The following PDE4D variants were observed in gnomAD, a reference collection of about 807,000 sequenced individuals.
PDE4D encodes phosphodiesterase 4D, also known as 3',5'-cyclic-AMP phosphodiesterase 4D.
PDE4D carries 24 observed loss-of-function variants against 87.4 expected under a neutral mutation model. The ratio of observed to expected loss-of-function variants is 0.27; its 90% confidence interval spans 0.20 to 0.39. The LOEUF is 0.39. PDE4D is among the 10% of genes least tolerant of loss of function. PDE4D has a pLI of 1.00. For missense variants in PDE4D, 714 were observed against 1,041.0 expected (o/e 0.69, Z 4.32); for synonymous variants, 384 against 383.2 (o/e 1.00, Z -0.02).
chr5:59,829,548 T>C (rs1052274754), intron 1 of PDE4D, among the ~76,000 whole-genome samples: 2 of 151,948 alleles, frequency 1.3e-5, no homozygotes, highest in Non-Finnish European at 2.9e-5. Flanking sequence ...GAAAGAAAAG[T>C]TACTCTCATT....
At chr5:59,337,765 T>C (rs35259) in intron 1 of PDE4D, among the ~76,000 whole-genome samples, 88,451 of 151,968 alleles carry the variant, frequency 0.58, 26,420 homozygotes, top group African/African-American at 0.71. Flanking sequence ...CTAGAACATC[T>C]GGTATGATTT....
intron 1 of PDE4D, among the ~76,000 whole-genome samples, chr5:59,524,663 AGAC>A (rs1293113422): frequency 6.6e-6 from 1 of 152,214 alleles, no homozygotes; most frequent in African/African-American, 2.4e-5. Context: ...AGAGCCTGTT[AGAC>A]GACTTCACAG....
intron 1 of PDE4D, among the ~76,000 whole-genome samples, chr5:59,771,391 G>A (rs1433644816): frequency 6.7e-6 from 1 of 149,150 alleles, no homozygotes; most frequent in Non-Finnish European, 1.5e-5. Context: ...ATGGGCGACA[G>A]AGCGAGACTC....
intron 1 of PDE4D, among the ~76,000 whole-genome samples, chr5:59,812,348 A>T (rs1029891001): frequency 6.6e-6 from 1 of 152,216 alleles, no homozygotes; most frequent in Non-Finnish European, 1.5e-5. Flanking sequence ...TCACAGGCTC[A>T]ATTTCAAGAC....
chr5:59,647,468 T>TC lies in PDE4D; in HGVS notation c.455+245699_455+245700insG, dbSNP rs1169649276. On this transcript the variant is annotated intron_variant, in intron 1 of 14. Coordinates refer to ENST00000340635, the MANE Select transcript of PDE4D (RefSeq NM_001104631.2). ...TTAGGGATTTTTCAAAGTTTTTTTTTTTTTAATTAAAATAGTGATTTTAAA... is the reference window on the plus strand; with the variant it reads ...TTAGGGATTTTTCAAAGTTTTTTTTTCTTTTAATTAAAATAGTGATTTTAAA... Among the ~76,000 whole-genome samples, 294 of 70,880 alleles carry TC rather than the reference T, an allele frequency of 4.1e-3. 2 individuals are homozygous for TC. Among genetic ancestry groups the TC allele is most frequent in the African/African-American group, 9.1e-3 (237 of 26,014 alleles). The allele number at this position is 70,880 out of a possible 152,430, so 46.5% of individuals were successfully genotyped here.
At chr5:59,847,529 T>C (rs1744043404) in intron 1 of PDE4D, among the ~76,000 whole-genome samples, 1 of 152,066 alleles carries the variant, frequency 6.6e-6, no homozygotes, top group Admixed American at 6.6e-5. Context: ...ACCTTTCTTT[T>C]TTACCAGTCA....
At chr5:60,305,618 A>G (rs1447794486) in intron 1 of PDE4D, among the ~76,000 whole-genome samples, 1 of 151,926 alleles carries the variant, frequency 6.6e-6, no homozygotes, top group Non-Finnish European at 1.5e-5. Context: ...TAAAAGACCT[A>G]AACCTTAACA....
intron 1 of PDE4D, among the ~76,000 whole-genome samples, chr5:59,296,987 AT>A (rs1769231558): frequency 6.6e-6 from 1 of 152,166 alleles, no homozygotes. Flanking sequence ...ACTTCCTTTT[AT>A]CCCTTAAAAA....
intron 1 of PDE4D, among the ~76,000 whole-genome samples, chr5:59,630,800 C>T (rs1831466862): frequency 6.6e-6 from 1 of 152,102 alleles, no homozygotes; most frequent in Admixed American, 6.6e-5. Flanking sequence ...TTGTAGGAGG[C>T]CTGCACGTGT....
intron 1 of PDE4D, among the ~76,000 whole-genome samples, chr5:60,282,235 A>ATATATATATATATATATATG (rs1490291783): frequency 3.1e-4 from 41 of 132,074 alleles, no homozygotes; most frequent in Non-Finnish European, 5.0e-4. Flanking sequence ...ATATATATAT[A>ATATATATATATATATATATG]TATTTCTCAA....
chr5:59,784,242 T>TC (rs1158717095), intron 1 of PDE4D, among the ~76,000 whole-genome samples: 2 of 149,956 alleles, frequency 1.3e-5, no homozygotes, highest in Non-Finnish European at 3.0e-5. Context: ...TAACTTCCTT[T>TC]TTTTTTTTTT....
chr5:59,285,576 G>A (rs1239036206), intron 1 of PDE4D, among the ~76,000 whole-genome samples: 1 of 152,094 alleles, frequency 6.6e-6, no homozygotes, highest in Non-Finnish European at 1.5e-5. Flanking sequence ...TACACTGGAA[G>A]AAGTCTTATG....
At chr5:59,177,470 A>G (rs1784075377) in intron 5 of PDE4D, among the ~76,000 whole-genome samples, 1 of 152,206 alleles carries the variant, frequency 6.6e-6, no homozygotes, top group South Asian at 2.1e-4. Flanking sequence ...TCTGTGAGGC[A>G]CTATGCTAAG....
At chr5:59,434,576 A>T (rs1327255913) in intron 1 of PDE4D, among the ~76,000 whole-genome samples, 1 of 150,756 alleles carries the variant, frequency 6.6e-6, no homozygotes, top group Non-Finnish European at 1.5e-5. Context: ...GTGCTGAAAA[A>T]CTCCCACCTC....
At chr5:60,266,529 AC>A (rs1750229761) in intron 1 of PDE4D, among the ~76,000 whole-genome samples, 1 of 152,096 alleles carries the variant, frequency 6.6e-6, no homozygotes, top group African/African-American at 2.4e-5. Context: ...CTGCTGCTTC[AC>A]CCTTGGGCAG....
chr5:60,416,733 A>G (rs567744980), intron 1 of PDE4D, among the ~76,000 whole-genome samples: 13 of 152,312 alleles, frequency 8.5e-5, no homozygotes, highest in African/African-American at 2.6e-4. Flanking sequence ...TGGACACACT[A>G]TCATACACTC....
intron 5 of PDE4D, among the ~76,000 whole-genome samples, chr5:59,079,649 G>A (rs1443355403): frequency 8.1e-6 from 1 of 124,090 alleles, no homozygotes; most frequent in Non-Finnish European, 1.9e-5. Context: ...AACATAGCAG[G>A]ACCCATCTCT....
rs549622680 is a variant in PDE4D at position 59,976,501 on chromosome 5, C to T, written c.272+11987G>A. 3.6e-4 allele frequency among the ~76,000 whole-genome samples: 55 copies of T among 152,216 alleles called. 2 individuals carry two copies. The South Asian group carries it at 0.011, about 30-fold the overall frequency. ...CTCTTGTCATCTGACAAAGCTGCTC[C>T]CCCTTCACCTTCTGCCATGAATAAA... On this transcript the variant is annotated intron_variant, in intron 3 of 16. Transcript: ENST00000502484.
intron 1 of PDE4D, among the ~76,000 whole-genome samples, chr5:60,482,030 T>C (rs570139985): frequency 1.2e-4 from 18 of 152,276 alleles, no homozygotes; most frequent in African/African-American, 3.4e-4. Context: ...TGGATCATTG[T>C]TGTGGACTGA....
Sources: gnomAD v4.1 joint callset for allele counts (sites outside exome capture counted in the v4.1 genomes callset) on GRCh38, gnomAD v4.1.1 for gene constraint, MANE v1.5 for transcripts, NCBI Gene and HGNC (gene_info 2026-07-23, HGNC 2026-07-21) for gene names.